EED: variants seen among roughly 807,000 people sequenced by gnomAD.
EED encodes the protein polycomb protein EED.
Under a neutral mutation model 61.0 loss-of-function variants are expected in EED, and 9 were observed. That is an observed-to-expected ratio of 0.15 (90% confidence interval 0.09 to 0.26). The LOEUF is 0.26. EED is among the 10% of genes least tolerant of loss of function. EED has a pLI of 1.00. For missense variants in EED, 315 were observed against 542.3 expected (o/e 0.58, Z 4.16); for synonymous variants, 187 against 174.4 (o/e 1.07, Z -0.57).
intron 9 of EED, 104 bp downstream of exon 9, chr11:86,268,665 T>C (rs1946043710): frequency 3.1e-6 from 2 of 653,378 alleles, no homozygotes; most frequent in Non-Finnish European, 4.9e-6. Flanking sequence ...GGGAGCACTT[T>C]ATGTAGTTTA....
intron 9 of EED, among the ~76,000 whole-genome samples, chr11:86,273,149 G>A (rs1042955931): frequency 3.9e-5 from 6 of 152,068 alleles, no homozygotes; most frequent in African/African-American, 9.7e-5. Flanking sequence ...TCAGCCTCCC[G>A]AGTAGCTAGG....
intron 6 of EED, among the ~76,000 whole-genome samples, chr11:86,261,934 G>T (rs146669814): frequency 1.3e-5 from 2 of 152,188 alleles, no homozygotes; most frequent in African/African-American, 4.8e-5. Flanking sequence ...TGCCTTTGTG[G>T]TCATTATCCC....
At chr11:86,273,668 G>A (rs529639633) in intron 9 of EED, among the ~76,000 whole-genome samples, 1 of 152,132 alleles carries the variant, frequency 6.6e-6, no homozygotes, top group African/African-American at 2.4e-5. Context: ...GTATTCACTC[G>A]ATATAGGATT....
chr11:86,278,395 C>G lies in EED; in HGVS notation c.1200-4C>G. 1.9e-6 allele frequency: 3 copies of G among 1,610,726 alleles called. No homozygotes were observed. The highest frequency in any genetic ancestry group is 1.1e-5 in the South Asian group (1 of 90,674). On this transcript the variant is annotated splice_polypyrimidine_tract_variant and splice_region_variant and intron_variant, in intron 11 of 11. Coordinates refer to ENST00000263360, the MANE Select transcript of EED (RefSeq NM_003797.5). ...TTTAACCTGTTGTCATGTTTTTTCCCTAGATGTACAACACTGACTCATCAT... is the reference window on the plus strand; with the variant it reads ...TTTAACCTGTTGTCATGTTTTTTCCGTAGATGTACAACACTGACTCATCAT...
chr11:86,271,878 G>C (rs1482338959), intron 9 of EED, among the ~76,000 whole-genome samples: 4 of 148,172 alleles, frequency 2.7e-5, no homozygotes, highest in African/African-American at 7.4e-5. Flanking sequence ...GCTGAGTTCT[G>C]TTTGCTAATA....
At chr11:86,266,759 TTC>T (rs1945991456) in intron 8 of EED, among the ~76,000 whole-genome samples, 1 of 152,136 alleles carries the variant, frequency 6.6e-6, no homozygotes, top group African/African-American at 2.4e-5. Flanking sequence ...TTTTGCAGTT[TTC>T]TTAGTATATT....
chr11:86,270,545 A>G (rs75559794), intron 9 of EED, among the ~76,000 whole-genome samples: 7,340 of 152,144 alleles, frequency 0.048, 236 homozygotes, highest in Middle Eastern at 0.11. Flanking sequence ...GATTTTTTAA[A>G]ATTATTTTAT....
At position 86,278,764 on chromosome 11, in the gene EED, GT is replaced by G; in HGVS notation, c.*240del. 2.5e-6 allele frequency: 1 copy of G among 401,922 alleles called. No individual in the cohort carries two copies. Among genetic ancestry groups the G allele is most frequent in the Non-Finnish European group, 4.1e-6 (1 of 244,672 alleles). The allele number at this position is 401,922 out of a possible 1,614,324, so 24.9% of individuals were successfully genotyped here. On this transcript the variant is annotated 3_prime_UTR_variant, in exon 12 of 12. Coordinates refer to ENST00000263360, the MANE Select transcript of EED (RefSeq NM_003797.5). ...AGCTGTGTGTTTAGTTACTTTCATT[GT>G]GGTGAAAAAAAGTTAAAAGTAATAA...
At position 86,254,048 on chromosome 11, in the gene EED, C is replaced by CA. The variant is rs201298345; in HGVS notation, c.361-1147dup. On this transcript the variant is annotated intron_variant, in intron 3 of 11. Coordinates refer to ENST00000263360, the MANE Select transcript of EED (RefSeq NM_003797.5). Reference sequence around the variant, plus strand: ...GGACGACAAGAGTGAAACTCTGTCTCAAAAAAAAAAAAAAAAAAAAAAAAA... The same window carrying CA: ...GGACGACAAGAGTGAAACTCTGTCTCAAAAAAAAAAAAAAAAAAAAAAAAAA... 9.7e-3 allele frequency among the ~76,000 whole-genome samples: 544 copies of CA among 56,288 alleles called. 64 individuals carry two copies. The highest frequency in any genetic ancestry group is 0.021 in the Middle Eastern group (1 of 48). The allele number at this position is 56,288 out of a possible 152,430, so 36.9% of individuals were successfully genotyped here.
At chr11:86,273,702 CA>C (rs1946167874) in intron 9 of EED, among the ~76,000 whole-genome samples, 1 of 152,186 alleles carries the variant, frequency 6.6e-6, no homozygotes, top group South Asian at 2.1e-4. Flanking sequence ...TATTTTCTTT[CA>C]ACACCTGACA....
chr11:86,252,559 T>C (rs1403125024), intron 3 of EED, among the ~76,000 whole-genome samples: 1 of 151,796 alleles, frequency 6.6e-6, no homozygotes, highest in Non-Finnish European at 1.5e-5. Flanking sequence ...GTGATTTTGG[T>C]ATTTATCATT....
In EED at chr11:86,257,554, T is replaced by G; in HGVS notation, c.592T>G (p.Phe198Val). Reference protein sequence around the residue: ...GHGNAINELKFHPRDPNLLLS... With the variant: ...GHGNAINELKVHPRDPNLLLS... ...TGGAAATGCTATCAATGAGCTGAAA[T>G]TCCATCCAAGAGATCCAAATCTTCT... Residue 198 changes from phenylalanine (F) to valine (V), a missense_variant, in exon 6 of 12, where the codon TTC (phenylalanine) becomes GTC (valine). Phe to Val is a conservative substitution (Grantham distance 50). Transcript: ENST00000263360. 6.2e-7 allele frequency: 1 copy of G among 1,612,428 alleles called. No homozygotes were observed. Among genetic ancestry groups the G allele is most frequent in the Non-Finnish European group, 8.5e-7 (1 of 1,179,240 alleles).
In EED at chr11:86,261,419, G is replaced by A. The variant is rs1945824218; in HGVS notation, c.635-2753G>A. On this transcript the variant is annotated intron_variant, in intron 6 of 11. Coordinates refer to ENST00000263360, the MANE Select transcript of EED (RefSeq NM_003797.5). ...GCCTTGGGCAGCCCCATCTTTATGG[G>A]TTTGCCACGTGCAGCCCACATAGCA... Among the ~76,000 whole-genome samples the A allele has an allele frequency of 2.0e-5, 3 of 152,356 alleles. No homozygotes were observed. In the South Asian group the frequency reaches 6.2e-4, roughly 32 times the overall value.
chr11:86,269,403 G>T lies in EED; in HGVS notation c.966+842G>T, dbSNP rs183709510. Reference sequence around the variant, plus strand: ...AGAGAAGCTATTGGTGATGTTACATGAGCATTTAGGATTATCAAATTTGGT... The same window carrying T: ...AGAGAAGCTATTGGTGATGTTACATTAGCATTTAGGATTATCAAATTTGGT... On this transcript the variant is annotated intron_variant, in intron 9 of 11. Transcript: ENST00000263360. Among the ~76,000 whole-genome samples the T allele has an allele frequency of 1.2e-4, 18 of 152,274 alleles. No homozygotes were observed. The East Asian group carries it at 2.5e-3, about 21-fold the overall frequency.
chr11:86,257,450 G>T, intron 5 of EED, 65 bp from the exon 6 acceptor site: 1 of 1,271,996 alleles, frequency 7.9e-7, no homozygotes, highest in Admixed American at 2.4e-5. Flanking sequence ...ATTCTCTAAA[G>T]ATTTATGAAA....
In EED at chr11:86,257,520, T is replaced by C. The variant is rs372940958; in HGVS notation, c.558T>C (p.Tyr186=). ...ATGTTTTAAATTTATTGTAGCACTA[T>C]GTTGGCCATGGAAATGCTATCAATG... ...NPITMQCIKH[Y]VGHGNAINEL... Residue 186 remains tyrosine, a synonymous_variant, in exon 6 of 12, where the codon TAT becomes TAC. Transcript: ENST00000263360. The C allele has an allele frequency of 2.9e-5, 47 of 1,609,862 alleles. No homozygotes were observed. The highest frequency in any genetic ancestry group is 1.6e-4 in the Middle Eastern group (1 of 6,070).
intron 1 of EED, among the ~76,000 whole-genome samples, chr11:86,247,833 G>A (rs1945429270): frequency 6.6e-6 from 1 of 152,256 alleles, no homozygotes; most frequent in Admixed American, 6.5e-5. Flanking sequence ...TTGTGTTAGA[G>A]TTCAGGTAAC....
rs1352766056 is a variant in EED at position 86,268,443 on chromosome 11, A to G, written c.861-13A>G. The G allele has an allele frequency of 7.0e-7, 1 of 1,421,078 alleles. No homozygotes were observed. Among genetic ancestry groups the G allele is most frequent in the Non-Finnish European group, 9.7e-7 (1 of 1,027,494 alleles). The allele number at this position is 1,421,078 out of a possible 1,614,324, so 88.0% of individuals were successfully genotyped here. ...TTTTCTTTTAACTTTTTACATTTCC[A>G]TTCTTCCTTCAGGCCATTTATTTCT... On this transcript the variant is annotated splice_polypyrimidine_tract_variant and intron_variant, in intron 8 of 11. Transcript: ENST00000263360.
intron 10 of EED, chr11:86,277,339 A>G: frequency 2.5e-6 from 1 of 406,002 alleles, no homozygotes; most frequent in Non-Finnish European, 4.3e-6. Context: ...TATGATCTGC[A>G]GTGCTTACTT....
Sources: gnomAD v4.1 joint callset for allele counts (sites outside exome capture counted in the v4.1 genomes callset) on GRCh38, gnomAD v4.1.1 for gene constraint, MANE v1.5 for transcripts, NCBI Gene and HGNC (gene_info 2026-07-23, HGNC 2026-07-21) for gene names.